The following CDYL variants were observed in gnomAD, a reference collection of about 807,000 sequenced individuals.
CDYL encodes the protein chromodomain Y-like protein.
CDYL carries 8 observed loss-of-function variants against 47.3 expected under a neutral mutation model. The observed-to-expected ratio is 0.17, with a 90% CI of 0.10 to 0.31. CDYL has a LOEUF of 0.31. Among genes scored for constraint, CDYL ranks in the 10% least tolerant of loss-of-function variants. CDYL has a pLI of 1.00. For synonymous variants in CDYL, 266 were observed against 265.0 expected, an observed-to-expected ratio of 1.00 and a Z score of -0.04; for missense variants, 471 against 701.4, an observed-to-expected ratio of 0.67 and a Z score of 3.71.
intron 1 of CDYL, among the ~76,000 whole-genome samples, chr6:4,862,035 T>A (rs1761183907): frequency 6.6e-6 from 1 of 152,156 alleles, no homozygotes; most frequent in Non-Finnish European, 1.5e-5. Flanking sequence ...CCCCGACCCC[T>A]ACTCCCCAGA....
At chr6:4,842,134 A>G (rs1337548470) in intron 1 of CDYL, among the ~76,000 whole-genome samples, 1 of 144,162 alleles carries the variant, frequency 6.9e-6, no homozygotes, top group East Asian at 1.9e-4. Flanking sequence ...TTGTTAATAT[A>G]AAATTATATT....
intron 1 of CDYL, among the ~76,000 whole-genome samples, chr6:4,858,525 G>T (rs1055154285): frequency 2.0e-5 from 3 of 152,228 alleles, no homozygotes; most frequent in Non-Finnish European, 4.4e-5. Flanking sequence ...AACCTGCCCA[G>T]AGCCACACAG....
chr6:4,708,696 C>T (rs1757092470), intron 1 of CDYL, among the ~76,000 whole-genome samples: 1 of 152,126 alleles, frequency 6.6e-6, no homozygotes. Flanking sequence ...TAAAGCAATA[C>T]TTACAGACAT....
At chr6:4,769,963 A>ATT (rs1184292208) in intron 3 of CDYL, among the ~76,000 whole-genome samples, 10 of 113,462 alleles carry the variant, frequency 8.8e-5, no homozygotes, top group African/African-American at 1.6e-4. Context: ...CGCCCGGCTA[A>ATT]TTTGTGTGTG....
In CDYL at chr6:4,930,044, AAG is replaced by A. The variant is rs1472303444; in HGVS notation, c.692-5470_692-5469del. On this transcript the variant is annotated intron_variant, in intron 2 of 6. Coordinates refer to ENST00000397588, the MANE Select transcript of CDYL (RefSeq NM_004824.4). ...TTTGAAGCTTTGTTAGTGAAATTTT[AAG>A]TATTCTTTATTCTAGAGCTAGATTA... Among the ~76,000 whole-genome samples the A allele has an allele frequency of 2.0e-5, 3 of 152,248 alleles. No homozygotes were observed. In the East Asian group the frequency reaches 5.8e-4, roughly 29 times the overall value.
chr6:4,816,155 C>T (rs928376578), intron 1 of CDYL, among the ~76,000 whole-genome samples: 1 of 151,756 alleles, frequency 6.6e-6, no homozygotes. Context: ...TCTGAAGTTT[C>T]TGTTCAGCTT....
At chr6:4,769,384 C>T (rs929896711) in intron 3 of CDYL, among the ~76,000 whole-genome samples, 7 of 152,160 alleles carry the variant, frequency 4.6e-5, no homozygotes, top group African/African-American at 1.7e-4. Context: ...TATGGTATCC[C>T]TCCTACTTCT....
intron 1 of CDYL, among the ~76,000 whole-genome samples, chr6:4,788,480 C>CAAAAAAAA (rs1220969716): frequency 3.3e-5 from 2 of 61,062 alleles, no homozygotes; most frequent in South Asian, 1.0e-3. Context: ...GAGACTCTGT[C>CAAAAAAAA]AAAAAAAAAA....
chr6:4,906,484 C>G (rs75279210), intron 2 of CDYL, among the ~76,000 whole-genome samples: 1 of 152,054 alleles, frequency 6.6e-6, no homozygotes, highest in Non-Finnish European at 1.5e-5. Flanking sequence ...ACAGTACAAG[C>G]GTGAAGGCCA....
At chr6:4,875,158 TC>T (rs1336553206) in intron 1 of CDYL, among the ~76,000 whole-genome samples, 3 of 151,856 alleles carry the variant, frequency 2.0e-5, no homozygotes, top group African/African-American at 7.3e-5. Flanking sequence ...CGCAGGAGAG[TC>T]CCTGTTGTCC....
At chr6:4,721,259 C>T (rs908761576) in intron 2 of CDYL, among the ~76,000 whole-genome samples, 2 of 152,060 alleles carry the variant, frequency 1.3e-5, no homozygotes, top group Non-Finnish European at 2.9e-5. Context: ...TAGTCCTTCT[C>T]TTATTTCCTT....
intron 2 of CDYL, among the ~76,000 whole-genome samples, chr6:4,721,751 G>C (rs899680919): frequency 1.3e-5 from 2 of 152,136 alleles, no homozygotes; most frequent in African/African-American, 4.8e-5. Context: ...ATTCCCTGGA[G>C]AGTGAAAAGA....
intron 1 of CDYL, among the ~76,000 whole-genome samples, chr6:4,864,618 C>T (rs929713697): frequency 6.6e-6 from 1 of 151,978 alleles, no homozygotes; most frequent in African/African-American, 2.4e-5. Context: ...ATCATGGGGC[C>T]GGTTTTTCTC....
intron 1 of CDYL, among the ~76,000 whole-genome samples, chr6:4,712,341 G>A (rs1757166064): frequency 6.6e-6 from 1 of 152,178 alleles, no homozygotes. Flanking sequence ...GAGATACTAG[G>A]AATCCCCCCT....
chr6:4,834,464 C>T (rs1333847164), intron 1 of CDYL, among the ~76,000 whole-genome samples: 1 of 150,092 alleles, frequency 6.7e-6, no homozygotes, highest in East Asian at 1.9e-4. Context: ...GATGGGCTTC[C>T]CTTTGTGGGT....
At position 4,900,813 on chromosome 6, in the gene CDYL, A is replaced by C. The variant is rs1202033433; in HGVS notation, c.691+8434A>C. Among the ~76,000 whole-genome samples the C allele has an allele frequency of 4.5e-4, 42 of 92,336 alleles. 3 individuals are homozygous for C. The highest frequency in any genetic ancestry group is 1.6e-3 in the African/African-American group (40 of 25,544). The allele number at this position is 92,336 out of a possible 152,430, so 60.6% of individuals were successfully genotyped here. A position where few individuals can be genotyped will look rare whatever the true frequency, so the allele number is the denominator to read the frequency against. ...TATATATATATATATATATATATAT[A>C]TATATATATATATATATCTTGCCTG... On this transcript the variant is annotated intron_variant, in intron 2 of 6. Coordinates refer to ENST00000397588, the MANE Select transcript of CDYL (RefSeq NM_004824.4).
At chr6:4,921,062 A>G (rs1374682713) in intron 2 of CDYL, among the ~76,000 whole-genome samples, 5 of 152,040 alleles carry the variant, frequency 3.3e-5, no homozygotes, top group Non-Finnish European at 7.4e-5. Flanking sequence ...TCCCTGAGCC[A>G]TTCCTCTGGA....
In CDYL at chr6:4,764,067, T is replaced by C. The variant is rs557644736; in HGVS notation, c.186+29223T>C. On this transcript the variant is annotated intron_variant, in intron 3 of 8. Coordinates refer to the CDYL transcript ENST00000328908. ...ACATATTGAATAATACCTAGAATTA[T>C]ACGTAGAATCAAAATTACACATACC... 2.0e-5 allele frequency among the ~76,000 whole-genome samples: 3 copies of C among 152,288 alleles called. No homozygotes were observed. In the South Asian group the frequency reaches 6.2e-4, roughly 32 times the overall value.
At chr6:4,953,047 G>T (rs1023566507) in intron 6 of CDYL, among the ~76,000 whole-genome samples, 1 of 151,322 alleles carries the variant, frequency 6.6e-6, no homozygotes, top group African/African-American at 2.4e-5. Flanking sequence ...GGAATTACAG[G>T]CATGAGCCAC....
Sources: gnomAD v4.1 joint callset for allele counts (sites outside exome capture counted in the v4.1 genomes callset) on GRCh38, gnomAD v4.1.1 for gene constraint, MANE v1.5 for transcripts, NCBI Gene and HGNC (gene_info 2026-07-23, HGNC 2026-07-21) for gene names.